Variants in XRCC4 observed in about 807,000 individuals in gnomAD.
The protein encoded by XRCC4 is X-ray repair cross complementing 4, also known as DNA repair protein XRCC4.
In XRCC4, 28 loss-of-function variants were observed where a neutral mutation model predicts 39.1. That is an observed-to-expected ratio of 0.72 (90% confidence interval 0.53 to 0.98). The LOEUF is 0.98. Among genes scored for constraint, XRCC4 ranks in the 50% least tolerant of loss-of-function variants. XRCC4 has a pLI of 0.00. For synonymous variants in XRCC4, 123 were observed against 126.4 expected, an observed-to-expected ratio of 0.97 and a Z score of 0.18; for missense variants, 350 against 376.4, an observed-to-expected ratio of 0.93 and a Z score of 0.58.
chr5:83,128,838 TA>T (rs1747410117), intron 3 of XRCC4, among the ~76,000 whole-genome samples: 10 of 152,196 alleles, frequency 6.6e-5, no homozygotes, highest in Admixed American at 6.6e-4. Context: ...TTTTTTCTTG[TA>T]AATCTGTTTA....
downstream of XRCC4, among the ~76,000 whole-genome samples, chr5:83,355,954 A>G (rs1333592721): frequency 2.0e-5 from 3 of 152,158 alleles, no homozygotes; most frequent in Non-Finnish European, 4.4e-5. Context: ...GACAGTAGAG[A>G]GAGAATAAGA....
intron 7 of XRCC4, among the ~76,000 whole-genome samples, chr5:83,324,691 G>A (rs1459928549): frequency 6.6e-6 from 1 of 152,000 alleles, no homozygotes; most frequent in Non-Finnish European, 1.5e-5. Context: ...CATGCCAGTG[G>A]GGTATTCCTA....
intron 3 of XRCC4, among the ~76,000 whole-genome samples, chr5:83,152,466 C>T (rs1011619376): frequency 2.0e-5 from 3 of 151,810 alleles, no homozygotes; most frequent in Non-Finnish European, 4.4e-5. Flanking sequence ...AACCCTGTCT[C>T]GACTAAAAAT....
intron 3 of XRCC4, among the ~76,000 whole-genome samples, chr5:83,175,392 A>T (rs4571449): frequency 0.34 from 51,112 of 151,956 alleles, 9,419 homozygotes; most frequent in Non-Finnish European, 0.42. Context: ...TCTGGAAAAA[A>T]TTTTTAAAAA....
chr5:83,362,295 A>G, the XRCC4 span, among the ~76,000 whole-genome samples: 6 of 43,332 alleles, frequency 1.4e-4, no homozygotes, highest in Non-Finnish European at 1.9e-4. Context: ...CTATTTAGGC[A>G]AAAAAAAAAA....
chr5:83,126,491 C>G (rs1747271563), intron 3 of XRCC4, among the ~76,000 whole-genome samples: 1 of 152,064 alleles, frequency 6.6e-6, no homozygotes, highest in African/African-American at 2.4e-5. Context: ...CAAATAGATG[C>G]AGTTTAAAGG....
intron 7 of XRCC4, among the ~76,000 whole-genome samples, chr5:83,335,344 A>T (rs28360326): frequency 0.018 from 2,665 of 151,884 alleles, 29 homozygotes; most frequent in Non-Finnish European, 0.029. Flanking sequence ...ATTACTTATA[A>T]TTATTAACAA....
chr5:83,259,601 A>G (rs546292073), intron 7 of XRCC4, among the ~76,000 whole-genome samples: 2 of 152,264 alleles, frequency 1.3e-5, no homozygotes, highest in African/African-American at 4.8e-5. Flanking sequence ...CAATCAAACC[A>G]GCTATCAAAC....
intron 3 of XRCC4, among the ~76,000 whole-genome samples, chr5:83,184,265 T>C (rs1176469825): frequency 2.0e-5 from 3 of 152,094 alleles, no homozygotes; most frequent in African/African-American, 7.2e-5. Context: ...TAGTTTTGAG[T>C]TTATTCATTA....
intron 7 of XRCC4, among the ~76,000 whole-genome samples, chr5:83,274,451 CCAGA>C (rs1416423650): frequency 2.0e-5 from 3 of 152,126 alleles, no homozygotes; most frequent in Non-Finnish European, 2.9e-5. Context: ...CTAATGTGAG[CCAGA>C]CAGTGACTTA....
chr5:83,177,914 G>T (rs1580333594), intron 3 of XRCC4, among the ~76,000 whole-genome samples: 1 of 152,162 alleles, frequency 6.6e-6, no homozygotes, highest in African/African-American at 2.4e-5. Context: ...AAAGAAACAA[G>T]TCACTAGAAG....
chr5:83,351,959 G>A (rs1276855734), intron 7 of XRCC4, among the ~76,000 whole-genome samples: 2 of 152,156 alleles, frequency 1.3e-5, no homozygotes, highest in African/African-American at 4.8e-5. Context: ...AGTTTATGGG[G>A]TATTAGCAGG....
chr5:83,236,082 T>A (rs1163963335), intron 6 of XRCC4, among the ~76,000 whole-genome samples: 3 of 152,022 alleles, frequency 2.0e-5, no homozygotes, highest in Non-Finnish European at 4.4e-5. Context: ...CACAAAAAAA[T>A]GGAAAGATAA....
At chr5:83,197,248 A>G (rs1484917179) in intron 4 of XRCC4, among the ~76,000 whole-genome samples, 1 of 152,170 alleles carries the variant, frequency 6.6e-6, no homozygotes, top group Non-Finnish European at 1.5e-5. Context: ...AGTATGAATC[A>G]GTATCAGATA....
chr5:83,207,570 A>C (rs902185010), intron 6 of XRCC4, among the ~76,000 whole-genome samples: 1 of 152,084 alleles, frequency 6.6e-6, no homozygotes, highest in Non-Finnish European at 1.5e-5. Flanking sequence ...GCAAAAAGAA[A>C]TGTTTAGGAA....
intron 7 of XRCC4, among the ~76,000 whole-genome samples, chr5:83,323,324 G>T (rs1756139029): frequency 6.6e-6 from 1 of 151,974 alleles, no homozygotes; most frequent in African/African-American, 2.4e-5. Context: ...TGGCTGTAAA[G>T]TATCCTTGGA....
In XRCC4 at chr5:83,265,096, A is replaced by G. The variant is rs113884537; in HGVS notation, c.893+6419A>G. ...ATCTTTTCAAAAAGAATTTATTTTCATACCTTGATTCTTAAAAATTGCTAG... is the reference window on the plus strand; with the variant it reads ...ATCTTTTCAAAAAGAATTTATTTTCGTACCTTGATTCTTAAAAATTGCTAG... On this transcript the variant is annotated intron_variant, in intron 7 of 7. Coordinates refer to ENST00000396027, the MANE Select transcript of XRCC4 (RefSeq NM_003401.5). Among the ~76,000 whole-genome samples the G allele has an allele frequency of 1.2e-4, 18 of 152,268 alleles. 1 individual carries two copies. Among genetic ancestry groups the G allele is most frequent in the Admixed American group, 6.5e-5 (1 of 15,284 alleles).
At chr5:83,080,485 C>G (rs1031145829) in intron 1 of XRCC4, among the ~76,000 whole-genome samples, 54 of 150,882 alleles carry the variant, frequency 3.6e-4, no homozygotes, top group Non-Finnish European at 6.3e-4. Flanking sequence ...GAGATTGTGC[C>G]ACTGTACTCC....
chr5:83,166,740 G>A (rs547197010), intron 3 of XRCC4, among the ~76,000 whole-genome samples: 1 of 151,760 alleles, frequency 6.6e-6, no homozygotes, highest in East Asian at 1.9e-4. Context: ...GCCTGCCAAA[G>A]AGTTGGCATT....
Sources: allele counts gnomAD v4.1 joint callset (sites outside exome capture counted in the v4.1 genomes callset), GRCh38; gene constraint gnomAD v4.1.1; transcripts MANE v1.5; gene names NCBI Gene and HGNC (gene_info 2026-07-23, HGNC 2026-07-21).